Variants in FMN1 observed in about 807,000 individuals in gnomAD.
The protein encoded by FMN1 is formin 1, also known as formin-1.
FMN1 carries 110 observed loss-of-function variants against 132.4 expected under a neutral mutation model. The observed-to-expected ratio is 0.83, with a 90% CI of 0.71 to 0.97. FMN1 has a LOEUF of 0.97. Among genes scored for constraint, FMN1 ranks in the 50% least tolerant of loss-of-function variants. FMN1 has a pLI of 0.00. For synonymous variants in FMN1, 722 were observed against 651.7 expected (o/e 1.11, Z -1.64); for missense variants, 1,792 against 1,705.3 (o/e 1.05, Z -0.90).
At chr15:33,043,038 C>T (rs940582826) in intron 6 of FMN1, among the ~76,000 whole-genome samples, 51 of 152,154 alleles carry the variant, frequency 3.4e-4, no homozygotes, top group African/African-American at 1.2e-3. Context: ...AATGGTTTGA[C>T]TTATGATGAT....
At chr15:33,098,360 G>A (rs1403336290) in intron 4 of FMN1, among the ~76,000 whole-genome samples, 1 of 152,142 alleles carries the variant, frequency 6.6e-6, no homozygotes, top group East Asian at 1.9e-4. Context: ...GTGACCACAT[G>A]CTTCCTGAAT....
Position 33,065,167 on chromosome 15 carries a change from T to G in FMN1, c.2044-93A>C, listed in dbSNP as rs150057803. On this transcript the variant is annotated intron_variant, in intron 5 of 20. Transcript: ENST00000616417. ...TGCTAAACCTAATTCTGAAGTTAAT[T>G]TTAATGGCTAGTTGCACATTGCTCT... 2.3e-4 allele frequency: 180 copies of G among 766,958 alleles called. No individual in the cohort carries two copies. The African/African-American group carries it at 2.6e-3, about 11-fold the overall frequency. The allele number at this position is 766,958 out of a possible 1,614,324, so 47.5% of individuals were successfully genotyped here. A position where few individuals can be genotyped will look rare whatever the true frequency, so the allele number is the denominator to read the frequency against.
intron 19 of FMN1, among the ~76,000 whole-genome samples, chr15:32,782,199 G>A (rs540024152): frequency 1.6e-4 from 24 of 152,298 alleles, no homozygotes; most frequent in African/African-American, 4.3e-4. Context: ...TAGGGACAAC[G>A]AGCAGGATTT....
At chr15:33,052,148 T>C (rs181815197) in intron 6 of FMN1, among the ~76,000 whole-genome samples, 4 of 152,308 alleles carry the variant, frequency 2.6e-5, no homozygotes, top group African/African-American at 9.6e-5. Context: ...CTAAACCTGA[T>C]ATTCTCCAAG....
At chr15:32,879,352 A>ACT (rs1344738557) in intron 16 of FMN1, among the ~76,000 whole-genome samples, 1 of 152,202 alleles carries the variant, frequency 6.6e-6, no homozygotes, top group Admixed American at 6.5e-5. Context: ...CAGACTTAGT[A>ACT]AACTACTGCT....
At position 32,825,583 on chromosome 15, in the gene FMN1, T is replaced by C. The variant is rs140892344; in HGVS notation, c.3929-21251A>G. Among the ~76,000 whole-genome samples, 298 of 152,356 alleles carry C rather than the reference T, an allele frequency of 2.0e-3. 1 individual carries two copies. Among genetic ancestry groups the C allele is most frequent in the South Asian group, 0.013 (65 of 4,830 alleles). ...CCAAACCTAAACTTTCCACAATTTG[T>C]AATTATACAATGGGTTACTTATTTG... On this transcript the variant is annotated intron_variant, in intron 17 of 20. Transcript: ENST00000616417.
intron 5 of FMN1, among the ~76,000 whole-genome samples, chr15:33,068,609 G>A (rs2037857927): frequency 1.3e-5 from 2 of 148,238 alleles, no homozygotes; most frequent in Non-Finnish European, 3.0e-5. Flanking sequence ...TCTCAAAGCA[G>A]TTAATTTACT....
intron 18 of FMN1, among the ~76,000 whole-genome samples, chr15:32,801,955 G>T (rs2057495785): frequency 6.6e-6 from 1 of 152,308 alleles, no homozygotes; most frequent in East Asian, 1.9e-4. Flanking sequence ...ATTCAGTTTT[G>T]ATTCACAGAG....
At chr15:33,169,486 G>A (rs1470839684) in intron 3 of FMN1, among the ~76,000 whole-genome samples, 1 of 152,078 alleles carries the variant, frequency 6.6e-6, no homozygotes, top group Non-Finnish European at 1.5e-5. Flanking sequence ...TGAGACAAAT[G>A]GCTACTGTTG....
intron 6 of FMN1, among the ~76,000 whole-genome samples, chr15:33,050,877 A>C (rs946229235): frequency 6.6e-6 from 1 of 152,266 alleles, no homozygotes; most frequent in Non-Finnish European, 1.5e-5. Context: ...AGCCATTAAA[A>C]TAATGAGGAA....
chr15:32,977,231 G>A (rs1371832856), intron 7 of FMN1, among the ~76,000 whole-genome samples: 1 of 152,148 alleles, frequency 6.6e-6, no homozygotes, highest in Admixed American at 6.5e-5. Context: ...GAGAAGCAAT[G>A]AGGAATTAAG....
intron 2 of FMN1, among the ~76,000 whole-genome samples, chr15:33,180,877 G>C (rs768220217): frequency 6.6e-6 from 1 of 151,642 alleles, no homozygotes; most frequent in Non-Finnish European, 1.5e-5. Flanking sequence ...AGCCTCCTGA[G>C]TAGCTGGGAT....
chr15:33,044,583 AG>A (rs1429127158), intron 6 of FMN1, among the ~76,000 whole-genome samples: 2 of 152,084 alleles, frequency 1.3e-5, no homozygotes, highest in African/African-American at 4.8e-5. Context: ...GCCTGCGGAG[AG>A]GAACTACTCA....
intron 6 of FMN1, among the ~76,000 whole-genome samples, chr15:33,024,820 T>A (rs345862): frequency 0.4 from 60,178 of 152,124 alleles, 12,262 homozygotes; most frequent in Admixed American, 0.48. Context: ...AACTTAAATT[T>A]CCATCACCAG....
In FMN1 at chr15:32,767,714, T is replaced by C. The variant is rs894386170; in HGVS notation, c.*6596A>G. 7.9e-5 allele frequency: 12 copies of C among 152,220 alleles called. No individual in the cohort carries two copies. The highest frequency in any genetic ancestry group is 2.7e-4 in the African/African-American group (11 of 41,460). 9.4% of individuals were successfully genotyped at this position (152,220 alleles called of 1,614,324 possible). ...GCTGACAGTAGGGTCATATTACTTA[T>C]GCCTTGGGAAATTACAGAATTGCAC... On this transcript the variant is annotated 3_prime_UTR_variant, in exon 21 of 21. Transcript: ENST00000616417.
intron 16 of FMN1, among the ~76,000 whole-genome samples, chr15:32,858,957 A>C (rs939291754): frequency 1.3e-5 from 2 of 152,208 alleles, no homozygotes; most frequent in Non-Finnish European, 2.9e-5. Context: ...GCGCTAGAGT[A>C]GTGTCCAAGG....
chr15:33,168,666 C>T (rs1015079337), intron 3 of FMN1, among the ~76,000 whole-genome samples: 2 of 152,168 alleles, frequency 1.3e-5, no homozygotes, highest in Non-Finnish European at 2.9e-5. Context: ...CAAAGTTTGA[C>T]GTGGTCCTCT....
chr15:32,983,370 G>A (rs2140790382), intron 7 of FMN1, among the ~76,000 whole-genome samples: 1 of 152,324 alleles, frequency 6.6e-6, no homozygotes, highest in Non-Finnish European at 1.5e-5. Context: ...AAGAGGGGTT[G>A]TCTTCCAATG....
intron 15 of FMN1, among the ~76,000 whole-genome samples, chr15:32,895,489 T>A (rs1308007445): frequency 6.6e-6 from 1 of 152,140 alleles, no homozygotes; most frequent in East Asian, 1.9e-4. Context: ...CATCTTTATG[T>A]GAATTTTTTA....
Sources: allele counts gnomAD v4.1 joint callset (sites outside exome capture counted in the v4.1 genomes callset), GRCh38; gene constraint gnomAD v4.1.1; transcripts MANE v1.5; gene names NCBI Gene and HGNC (gene_info 2026-07-23, HGNC 2026-07-21).